Variants in EBF1 observed in about 807,000 individuals in gnomAD.
EBF1 encodes the protein EBF transcription factor 1, also known as transcription factor COE1.
A neutral mutation model predicts 68.4 loss-of-function variants in EBF1; 10 were observed. The ratio of observed to expected loss-of-function variants is 0.15; its 90% CI spans 0.09 to 0.25. The LOEUF (loss-of-function observed/expected upper bound fraction) is 0.25, where lower values mean the gene tolerates loss of function less well. EBF1 is among the 10% of genes least tolerant of loss of function. The pLI is 1.00. For synonymous variants in EBF1, 298 were observed against 299.8 expected (o/e 0.99, Z 0.06); for missense variants, 509 against 794.4 (o/e 0.64, Z 4.32).
intron 6 of EBF1, among the ~76,000 whole-genome samples, chr5:158,909,307 G>A (rs745843805): frequency 2.0e-5 from 3 of 152,048 alleles, no homozygotes; most frequent in African/African-American, 4.8e-5. Flanking sequence ...TTTGGTGGGG[G>A]TTTTTTGGAG....
chr5:159,029,396 T>C (rs1768331566), intron 6 of EBF1, among the ~76,000 whole-genome samples: 1 of 152,186 alleles, frequency 6.6e-6, no homozygotes, highest in Non-Finnish European at 1.5e-5. Flanking sequence ...AAGGAGTAAT[T>C]CTTCTGAGAT....
intron 6 of EBF1, among the ~76,000 whole-genome samples, chr5:158,967,092 T>G (rs537676130): frequency 6.6e-6 from 1 of 150,656 alleles, no homozygotes; most frequent in East Asian, 2.0e-4. Context: ...ATAAGAGATT[T>G]GGGGGAATGT....
intron 8 of EBF1, among the ~76,000 whole-genome samples, chr5:158,819,640 C>T (rs1168407426): frequency 1.3e-5 from 2 of 152,176 alleles, no homozygotes; most frequent in Non-Finnish European, 2.9e-5. Flanking sequence ...CTGAACATAG[C>T]CTTGTGGCAG....
chr5:158,815,399 A>T (rs1388420070), intron 8 of EBF1, among the ~76,000 whole-genome samples: 1 of 152,150 alleles, frequency 6.6e-6, no homozygotes, highest in Non-Finnish European at 1.5e-5. Context: ...CTCATCTGTA[A>T]AATGGTGATA....
chr5:158,769,582 A>G (rs751528936), intron 10 of EBF1, among the ~76,000 whole-genome samples: 2 of 152,136 alleles, frequency 1.3e-5, no homozygotes, highest in Non-Finnish European at 2.9e-5. Flanking sequence ...TCACGGAAGT[A>G]CAATGGTTAC....
At chr5:158,811,097 T>C (rs1262751511) in intron 8 of EBF1, among the ~76,000 whole-genome samples, 1 of 152,156 alleles carries the variant, frequency 6.6e-6, no homozygotes, top group Non-Finnish European at 1.5e-5. Flanking sequence ...TTCTATAAAG[T>C]ATCATTTCTG....
chr5:158,920,581 T>C (rs866614393), intron 6 of EBF1, among the ~76,000 whole-genome samples: 1 of 151,964 alleles, frequency 6.6e-6, no homozygotes, highest in Non-Finnish European at 1.5e-5. Flanking sequence ...TTTTCTTTCT[T>C]CTTTTTTTTT....
chr5:159,052,604 ATT>A (rs1773984613), intron 6 of EBF1, among the ~76,000 whole-genome samples: 1 of 152,178 alleles, frequency 6.6e-6, no homozygotes, highest in African/African-American at 2.4e-5. Flanking sequence ...TCTCAGAGGA[ATT>A]GTCCTGCCTA....
chr5:158,834,176 A>G (rs1788211941), intron 7 of EBF1, among the ~76,000 whole-genome samples: 1 of 152,162 alleles, frequency 6.6e-6, no homozygotes, highest in Non-Finnish European at 1.5e-5. Flanking sequence ...CCAGTCCCCA[A>G]AAGGAAAGCT....
chr5:158,904,560 A>G (rs1285155291), intron 6 of EBF1, among the ~76,000 whole-genome samples: 3 of 152,246 alleles, frequency 2.0e-5, no homozygotes, highest in Non-Finnish European at 4.4e-5. Context: ...AAAATAAAAC[A>G]TCCAGCAATA....
rs191745791 is a variant in EBF1, at chr5:158,785,980, C to T, written c.910-8441G>A. 1.0e-3 allele frequency among the ~76,000 whole-genome samples: 158 copies of T among 152,088 alleles called. 1 individual carries two copies. Among genetic ancestry groups the T allele is most frequent in the African/African-American group, 3.6e-3 (149 of 41,500 alleles). ...CTATGTTTCCAGTGTTTAACAAGGC[C>T]CTGGAACTAGTAGTCACTCAATAAA... is the stretch of plus-strand genomic sequence containing the variant. On this transcript the variant is annotated intron_variant, in intron 9 of 15. Transcript: ENST00000313708.
chr5:158,989,923 G>A (rs1017263967), intron 6 of EBF1, among the ~76,000 whole-genome samples: 4 of 152,176 alleles, frequency 2.6e-5, no homozygotes, highest in Admixed American at 2.6e-4. Flanking sequence ...GGAACTTGCA[G>A]TCTTGGCAGG....
intron 6 of EBF1, among the ~76,000 whole-genome samples, chr5:158,895,953 G>C (rs1802097507): frequency 6.6e-6 from 1 of 152,176 alleles, no homozygotes; most frequent in African/African-American, 2.4e-5. Flanking sequence ...GAGAGGCAAA[G>C]AAGAGGAGTG....
At chr5:159,075,943 CT>C (rs1263066433) in intron 5 of EBF1, among the ~76,000 whole-genome samples, 176 of 152,300 alleles carry the variant, frequency 1.2e-3, no homozygotes, top group East Asian at 3.9e-4. Flanking sequence ...GTTAGCCAAT[CT>C]TTTCTCACCC....
chr5:158,796,491 C>T lies in EBF1; in HGVS notation c.779-16G>A, dbSNP rs1300161471. 6.2e-7 allele frequency: 1 copy of T among 1,603,680 alleles called. No individual in the cohort carries two copies. Among genetic ancestry groups the T allele is most frequent in the African/African-American group, 1.3e-5 (1 of 74,396 alleles). On this transcript the variant is annotated splice_polypyrimidine_tract_variant and intron_variant, in intron 8 of 15. Transcript: ENST00000313708. Reference sequence around the variant, plus strand: ...CAGGGAGTAGCTGCTTTTCAACACACATGAAAAAGAGAAGGAGTCTGCTGT... The same window carrying T: ...CAGGGAGTAGCTGCTTTTCAACACATATGAAAAAGAGAAGGAGTCTGCTGT...
chr5:158,918,772 A>G (rs1191409108), intron 6 of EBF1, among the ~76,000 whole-genome samples: 4 of 152,246 alleles, frequency 2.6e-5, no homozygotes, highest in Non-Finnish European at 4.4e-5. Context: ...AAATACTCAG[A>G]GCAGCATCCT....
At chr5:158,875,671 A>C (rs1052056758) in intron 6 of EBF1, among the ~76,000 whole-genome samples, 2 of 152,218 alleles carry the variant, frequency 1.3e-5, no homozygotes, top group Admixed American at 1.3e-4. Context: ...GCTGAAAAAA[A>C]TGAAATTATA....
chr5:158,735,206 G>A (rs1392172707), intron 10 of EBF1, among the ~76,000 whole-genome samples: 2 of 152,096 alleles, frequency 1.3e-5, no homozygotes, highest in Non-Finnish European at 2.9e-5. Context: ...TCTACTTGCA[G>A]AGCTGGGATG....
intron 6 of EBF1, among the ~76,000 whole-genome samples, chr5:158,948,046 G>A (rs1003807432): frequency 1.3e-5 from 2 of 152,318 alleles, no homozygotes; most frequent in South Asian, 2.1e-4. Context: ...TTCCTAGAGG[G>A]TGAGTGTGCT....
Sources: gnomAD v4.1 joint callset for allele counts (sites outside exome capture counted in the v4.1 genomes callset) on GRCh38, gnomAD v4.1.1 for gene constraint, MANE v1.5 for transcripts, NCBI Gene and HGNC (gene_info 2026-07-23, HGNC 2026-07-21) for gene names.